Variants in LRFN5 observed in about 807,000 individuals in gnomAD.
LRFN5 encodes the protein leucine rich repeat and fibronectin type III domain containing 5, also known as leucine-rich repeat and fibronectin type-III domain-containing protein 5.
Under a neutral mutation model 45.6 loss-of-function variants are expected in LRFN5, and 24 were observed. The observed-to-expected ratio is 0.53, with a 90% CI of 0.38 to 0.74. The LOEUF is 0.74. LRFN5 is among the 30% of genes least tolerant of loss of function. The probability of loss-of-function intolerance (pLI) is 0.00; values close to 1 mark genes in which losing one functional copy is unlikely to be tolerated. For missense variants in LRFN5, 776 were observed against 861.5 expected (o/e 0.90, Z 1.24); for synonymous variants, 340 against 313.8 (o/e 1.08, Z -0.88).
At chr14:41,714,459 G>T (rs1883407158) in intron 1 of LRFN5, among the ~76,000 whole-genome samples, 1 of 152,128 alleles carries the variant, frequency 6.6e-6, no homozygotes. Flanking sequence ...TCAAAATTAT[G>T]CATGGTTAAC....
At position 41,797,356 on chromosome 14, in the gene LRFN5, A is replaced by G. The variant is rs533920708; in HGVS notation, c.-21+30327A>G. Among the ~76,000 whole-genome samples, 5 of 151,808 alleles carry G rather than the reference A, an allele frequency of 3.3e-5. No individual in the cohort carries two copies. In the East Asian group the frequency reaches 7.7e-4, roughly 24 times the overall value. ...TTTTCCTAATGCCATTTGTTTGTGA[A>G]TATATCACCTTCCTATTTTGTGATG... On this transcript the variant is annotated intron_variant, in intron 2 of 5. Transcript: ENST00000298119.
intron 1 of LRFN5, among the ~76,000 whole-genome samples, chr14:41,676,165 ATCT>A (rs1157733845): frequency 6.6e-6 from 1 of 152,158 alleles, no homozygotes; most frequent in Non-Finnish European, 1.5e-5. Flanking sequence ...CAATGACTGT[ATCT>A]TCTTTTTGCA....
chr14:41,734,024 C>CTTTTTTTTTTTTTTTTTTTTTTTT (rs1241948731), intron 1 of LRFN5, among the ~76,000 whole-genome samples: 1 of 115,538 alleles, frequency 8.7e-6, no homozygotes, highest in African/African-American at 3.8e-5. Flanking sequence ...CTTTTCTTTT[C>CTTTTTTTTTTTTTTTTTTTTTTTT]TTTTCTTTTT....
chr14:41,610,678 A>AAAAAAAAAAAAAAAAAAAAC (rs1887718908), intron 1 of LRFN5, among the ~76,000 whole-genome samples: 1 of 147,412 alleles, frequency 6.8e-6, no homozygotes, highest in Non-Finnish European at 1.5e-5. Context: ...AAAAAAAAAA[A>AAAAAAAAAAAAAAAAAAAAC]AAAAAGTGTA....
intron 1 of LRFN5, among the ~76,000 whole-genome samples, chr14:41,704,979 G>A (rs998456423): frequency 4.6e-5 from 7 of 152,092 alleles, no homozygotes; most frequent in Non-Finnish European, 8.8e-5. Context: ...ATGATGTGAT[G>A]TATGTAGGCT....
rs918560952 is a variant in LRFN5, at chr14:41,608,433, T to C, written c.-326T>C. 2 of 152,616 alleles carry C rather than the reference T, an allele frequency of 1.3e-5. No individual in the cohort carries two copies. The highest frequency in any genetic ancestry group is 2.9e-5 in the Non-Finnish European group (2 of 68,054). 9.5% of individuals were successfully genotyped at this position (152,616 alleles called of 1,614,324 possible). A position where few individuals can be genotyped will look rare whatever the true frequency, so the allele number is the denominator to read the frequency against. ...TCCCTACGATGCGGGTGCTGAGCTA[T>C]GGCAAAGGGCAGCGAAGTGACGAGC... On this transcript the variant is annotated 5_prime_UTR_variant, in exon 1 of 6. An upstream start codon of the reference 5' UTR is lost. Coordinates refer to ENST00000298119, the MANE Select transcript of LRFN5 (RefSeq NM_152447.5).
intron 3 of LRFN5, 57 bp from the exon 4 acceptor site, chr14:41,891,193 T>C (rs1890767224): frequency 1.5e-6 from 2 of 1,346,184 alleles, no homozygotes; most frequent in East Asian, 2.3e-5. Context: ...ATAATGACTT[T>C]CTGTGTATGT....
At chr14:41,781,956 T>C (rs893659202) in intron 2 of LRFN5, among the ~76,000 whole-genome samples, 3 of 152,140 alleles carry the variant, frequency 2.0e-5, no homozygotes, top group Non-Finnish European at 4.4e-5. Flanking sequence ...CTCTGATTTG[T>C]TTCAAGATTT....
chr14:41,719,472 T>C (rs1172146649), intron 1 of LRFN5, among the ~76,000 whole-genome samples: 2 of 152,054 alleles, frequency 1.3e-5, no homozygotes, highest in African/African-American at 4.8e-5. Context: ...ATTATCCTAT[T>C]GTAATAGTTA....
intron 2 of LRFN5, among the ~76,000 whole-genome samples, chr14:41,818,145 T>G (rs1430336417): frequency 1.3e-5 from 2 of 152,246 alleles, no homozygotes; most frequent in East Asian, 3.9e-4. Context: ...AACTGCATGT[T>G]AATTATCTGG....
intron 2 of LRFN5, among the ~76,000 whole-genome samples, chr14:41,844,831 T>C (rs4904857): frequency 0.22 from 33,881 of 152,032 alleles, 5,116 homozygotes; most frequent in East Asian, 0.49. Context: ...TTTTTTTGTA[T>C]CATTTTCATA....
chr14:41,702,986 T>A (rs1882900917), intron 1 of LRFN5, among the ~76,000 whole-genome samples: 1 of 152,098 alleles, frequency 6.6e-6, no homozygotes, highest in African/African-American at 2.4e-5. Context: ...ACTTTCAAAT[T>A]CGAATGTGTG....
In LRFN5 at chr14:41,887,887, T is replaced by C. The variant is rs546728847; in HGVS notation, c.1262T>C (p.Ile421Thr). The C allele has an allele frequency of 6.2e-7, 1 of 1,614,064 alleles. No individual in the cohort carries two copies. Among genetic ancestry groups the C allele is most frequent in the Admixed American group, 1.7e-5 (1 of 60,022 alleles). ...NGDTKLSQDK[I>T]VVAEATSSTA... ...GATACTAAATTGAGTCAAGATAAAA[T>C]TGTGGTGGCAGAAGCTACATCATCA... The change falls in exon 3 of 6, where the codon ATT (isoleucine) becomes ACT (threonine). Residue 421 changes from isoleucine (I) to threonine (T), a missense_variant. This residue lies in a region of LRFN5 where 465 missense variants were observed against 456.4 expected (regional missense o/e 1.02). Transcript: ENST00000298119. The surrounding 1 kb of genome is among the most constrained non-coding windows in gnomAD (Gnocchi z 4.8).
intron 2 of LRFN5, among the ~76,000 whole-genome samples, chr14:41,851,147 G>T (rs1326521725): frequency 6.6e-6 from 1 of 151,700 alleles, no homozygotes; most frequent in African/African-American, 2.4e-5. Context: ...CCAAGCAGAA[G>T]TTATAATAAT....
At chr14:41,863,313 T>G (rs922099013) in intron 2 of LRFN5, among the ~76,000 whole-genome samples, 19 of 152,250 alleles carry the variant, frequency 1.2e-4, no homozygotes, top group Non-Finnish European at 2.6e-4. Context: ...TTTTACTTGC[T>G]TAGGATTAAT....
chr14:41,895,999 T>G (rs1415686077), intron 4 of LRFN5, among the ~76,000 whole-genome samples: 1 of 152,108 alleles, frequency 6.6e-6, no homozygotes, highest in Non-Finnish European at 1.5e-5. Flanking sequence ...TTAAACTACT[T>G]GCATCCAATA....
At chr14:41,856,799 C>G (rs1234649341) in intron 2 of LRFN5, among the ~76,000 whole-genome samples, 1 of 145,174 alleles carries the variant, frequency 6.9e-6, no homozygotes, top group Non-Finnish European at 1.5e-5. Flanking sequence ...GCCTCAGCCT[C>G]CCGAGTAGCT....
At chr14:41,817,907 T>C (rs1041554529) in intron 2 of LRFN5, among the ~76,000 whole-genome samples, 2 of 152,098 alleles carry the variant, frequency 1.3e-5, no homozygotes, top group African/African-American at 4.8e-5. Flanking sequence ...TTCTGAGGTT[T>C]GTGGGCTTGG....
intron 2 of LRFN5, among the ~76,000 whole-genome samples, chr14:41,851,983 A>AG (rs1889283053): frequency 7.7e-6 from 1 of 129,556 alleles, no homozygotes; most frequent in African/African-American, 2.6e-5. Context: ...AAAGTAATGC[A>AG]GAAAAAAAAA....
Sources: gnomAD v4.1 joint callset for allele counts (sites outside exome capture counted in the v4.1 genomes callset) on GRCh38, gnomAD v4.1.1 for gene constraint, gnomAD v4.1.1 regional missense constraint, Gnocchi (gnomAD v3.1) non-coding constraint, MANE v1.5 for transcripts, NCBI Gene and HGNC (gene_info 2026-07-23, HGNC 2026-07-21) for gene names.